DDX10: variants seen among roughly 807,000 people sequenced by gnomAD.
DDX10 encodes the protein probable ATP-dependent RNA helicase DDX10.
Under a neutral mutation model 104.3 loss-of-function variants are expected in DDX10, and 74 were observed. That is an observed-to-expected ratio of 0.71 (90% CI 0.59 to 0.86). DDX10 has a LOEUF of 0.86. Ranked by LOEUF, DDX10 falls within the 40% of genes least tolerant of loss-of-function variation. The probability of loss-of-function intolerance (pLI) is 0.00; values close to 1 mark genes in which losing one functional copy is unlikely to be tolerated. For missense variants in DDX10, 952 were observed against 1,040.0 expected (o/e 0.92, Z 1.16); for synonymous variants, 351 against 353.4 (o/e 0.99, Z 0.08).
intron 6 of DDX10, among the ~76,000 whole-genome samples, chr11:108,688,303 T>C (rs1189391784): frequency 6.6e-6 from 1 of 152,200 alleles, no homozygotes; most frequent in Non-Finnish European, 1.5e-5. Context: ...TTCAAACATA[T>C]GGTACATTGA....
intron 16 of DDX10, among the ~76,000 whole-genome samples, chr11:108,864,526 A>G (rs1591101167): frequency 6.6e-6 from 1 of 151,952 alleles, no homozygotes; most frequent in Non-Finnish European, 1.5e-5. Flanking sequence ...AGGCTGGAGT[A>G]CAGTGGCGTG....
intron 16 of DDX10, among the ~76,000 whole-genome samples, chr11:108,891,832 C>T (rs949728522): frequency 6.6e-6 from 1 of 152,110 alleles, no homozygotes; most frequent in African/African-American, 2.4e-5. Context: ...TTCTCCAGAA[C>T]ACTTTGTGGG....
At chr11:108,888,784 T>A (rs1565309810) in intron 16 of DDX10, among the ~76,000 whole-genome samples, 5 of 147,330 alleles carry the variant, frequency 3.4e-5, no homozygotes, top group African/African-American at 2.5e-5. Context: ...TTCTATCGTT[T>A]AAAAAAAAAA....
At chr11:108,807,782 CAT>C (rs1411477377) in intron 13 of DDX10, among the ~76,000 whole-genome samples, 2 of 151,970 alleles carry the variant, frequency 1.3e-5, no homozygotes, top group Non-Finnish European at 2.9e-5. Flanking sequence ...TAGGTGAGGT[CAT>C]ATAAAAATAT....
intron 13 of DDX10, among the ~76,000 whole-genome samples, chr11:108,810,858 G>A (rs1862170042): frequency 2.0e-5 from 3 of 152,086 alleles, no homozygotes; most frequent in Admixed American, 2.0e-4. Flanking sequence ...CCTTTTTGGT[G>A]AGTAGGAAAG....
At chr11:108,766,459 A>G (rs1353209049) in intron 13 of DDX10, among the ~76,000 whole-genome samples, 3 of 152,184 alleles carry the variant, frequency 2.0e-5, no homozygotes, top group Non-Finnish European at 4.4e-5. Flanking sequence ...CTTGAAAACC[A>G]TTGTAAATGC....
At chr11:108,922,298 G>A (rs1348767812) in intron 17 of DDX10, 1 of 148,820 alleles carries the variant, frequency 6.7e-6, no homozygotes, top group East Asian at 2.0e-4. Flanking sequence ...AGCGAAGAAA[G>A]CAAAGAAAGC....
chr11:108,846,095 T>C (rs950005322), intron 15 of DDX10, among the ~76,000 whole-genome samples: 5 of 152,204 alleles, frequency 3.3e-5, no homozygotes, highest in African/African-American at 4.8e-5. Context: ...ATTATAACAA[T>C]TTTTTACATT....
chr11:108,805,764 G>A (rs1338215610), intron 13 of DDX10, among the ~76,000 whole-genome samples: 1 of 151,976 alleles, frequency 6.6e-6, no homozygotes, highest in Non-Finnish European at 1.5e-5. Flanking sequence ...ATGTCAGTAT[G>A]AACAACAATT....
intron 6 of DDX10, among the ~76,000 whole-genome samples, chr11:108,684,563 G>T (rs28761001): frequency 0.11 from 16,216 of 144,930 alleles, 1,161 homozygotes; most frequent in East Asian, 0.25. Flanking sequence ...GTATTCCATG[G>T]TGTATATGTG....
Position 108,705,687 on chromosome 11 carries a change from G to A in DDX10, c.1224-1052G>A. On this transcript the variant is annotated intron_variant, in intron 9 of 17. Coordinates refer to ENST00000322536, the MANE Select transcript of DDX10 (RefSeq NM_004398.4). The stretch of plus-strand genomic sequence containing the variant: ...GTTTATTTGCTTCTCACATTTTATA[G>A]TATGAATCCTGGTGAGAGTGCTTTG... Among the ~76,000 whole-genome samples, 2 of 152,130 alleles carry A rather than the reference G, an allele frequency of 1.3e-5. 1 individual carries two copies. Among genetic ancestry groups the A allele is most frequent in the Admixed American group, 1.3e-4 (2 of 15,270 alleles).
intron 9 of DDX10, among the ~76,000 whole-genome samples, chr11:108,699,636 G>A (rs1414014221): frequency 6.6e-6 from 1 of 152,196 alleles, no homozygotes; most frequent in Non-Finnish European, 1.5e-5. Flanking sequence ...GGAAGTCACA[G>A]TCCATCTTTC....
chr11:108,864,270 C>G (rs1862977763), intron 16 of DDX10, among the ~76,000 whole-genome samples: 1 of 152,108 alleles, frequency 6.6e-6, no homozygotes, highest in South Asian at 2.1e-4. Flanking sequence ...ATGCCCATAT[C>G]TAGCTTCCTC....
At chr11:108,745,497 C>T (rs1301483732) in intron 13 of DDX10, among the ~76,000 whole-genome samples, 2 of 152,040 alleles carry the variant, frequency 1.3e-5, no homozygotes, top group African/African-American at 4.8e-5. Flanking sequence ...CTTGGCCTTC[C>T]AAAGTGTTAA....
chr11:108,903,347 A>G (rs1863543547), intron 16 of DDX10, among the ~76,000 whole-genome samples: 1 of 152,150 alleles, frequency 6.6e-6, no homozygotes, highest in African/African-American at 2.4e-5. Flanking sequence ...TTCACCTAAC[A>G]TAATGATTTC....
At chr11:108,936,430 C>T (rs984615327) in intron 17 of DDX10, among the ~76,000 whole-genome samples, 1 of 151,946 alleles carries the variant, frequency 6.6e-6, no homozygotes, top group Non-Finnish European at 1.5e-5. Flanking sequence ...ACCTAGCTAC[C>T]CAGAACTTCA....
chr11:108,846,960 A>G (rs1486237023), intron 15 of DDX10, among the ~76,000 whole-genome samples: 2 of 152,202 alleles, frequency 1.3e-5, no homozygotes, highest in African/African-American at 4.8e-5. Flanking sequence ...GCTTTGGATC[A>G]TTTAGCAGCT....
At chr11:108,826,791 G>A (rs1172445372) in intron 13 of DDX10, among the ~76,000 whole-genome samples, 1 of 152,172 alleles carries the variant, frequency 6.6e-6, no homozygotes, top group African/African-American at 2.4e-5. Flanking sequence ...CCTTGATCCA[G>A]AACACTGAAG....
intron 16 of DDX10, among the ~76,000 whole-genome samples, chr11:108,857,492 C>T (rs1862886585): frequency 6.6e-6 from 1 of 152,184 alleles, no homozygotes; most frequent in African/African-American, 2.4e-5. Flanking sequence ...CCAATAATTA[C>T]AGTGCTGATG....
Sources: allele counts gnomAD v4.1 joint callset (sites outside exome capture counted in the v4.1 genomes callset), GRCh38; gene constraint gnomAD v4.1.1; transcripts MANE v1.5; gene names NCBI Gene and HGNC (gene_info 2026-07-23, HGNC 2026-07-21).